SETD7: variants seen among roughly 807,000 people sequenced by gnomAD.
The protein encoded by SETD7 is histone-lysine N-methyltransferase SETD7.
SETD7 carries 16 observed loss-of-function variants against 41.8 expected under a neutral mutation model. The observed-to-expected ratio is 0.38, with a 90% CI of 0.26 to 0.58. The LOEUF is 0.58. SETD7 is among the 20% of genes least tolerant of loss of function. The pLI is 0.64. For missense variants in SETD7, 346 were observed against 459.7 expected (o/e 0.75, Z 2.26); for synonymous variants, 163 against 169.7 (o/e 0.96, Z 0.31).
intron 7 of SETD7, among the ~76,000 whole-genome samples, chr4:139,497,442 G>C (rs1299999441): frequency 6.6e-6 from 1 of 151,250 alleles, no homozygotes; most frequent in East Asian, 1.9e-4. Context: ...TGGGCAACAA[G>C]AGCGAAACTC....
intron 2 of SETD7, among the ~76,000 whole-genome samples, chr4:139,542,096 A>G (rs1727795315): frequency 6.6e-6 from 1 of 152,248 alleles, no homozygotes; most frequent in South Asian, 2.1e-4. Context: ...GACAATATGA[A>G]TGATCCTAGA....
At chr4:139,517,842 C>T (rs1345418872) in intron 7 of SETD7, 43 bp downstream of exon 7, 9 of 1,580,648 alleles carry the variant, frequency 5.7e-6, no homozygotes, top group African/African-American at 1.4e-5. Context: ...GTCTCAGGGC[C>T]CTGAGGCATA....
chr4:139,496,103 T>G (rs1726449175), exon 8 of SETD7: 1 of 342,048 alleles, frequency 2.9e-6, no homozygotes. Flanking sequence ...CATATTAGCC[T>G]GAAGAAAATT....
chr4:139,546,342 T>C, intron 2 of SETD7: 1 of 210,620 alleles, frequency 4.7e-6, no homozygotes. Context: ...TGAAGAACTT[T>C]GCCAAGCATT....
At chr4:139,529,344 G>A in intron 3 of SETD7, 124 bp from the exon 4 acceptor site, 1 of 687,364 alleles carries the variant, frequency 1.5e-6, no homozygotes, top group Non-Finnish European at 2.3e-6. Flanking sequence ...TAACAGTTTA[G>A]GAACCCAGAG....
Position 139,533,234 on chromosome 4 carries a change from A to C in SETD7, c.303T>G (p.Asp101Glu). ...LNGPAQEYDT[D>E]GRLIFKGQYK... ...ACTGCCCCTTGAAGATCAGTCTCCCATCTGTGTCATATTCCTGGGCTGGAC... is the reference window on the plus strand; with the variant it reads ...ACTGCCCCTTGAAGATCAGTCTCCCCTCTGTGTCATATTCCTGGGCTGGAC... Residue 101 changes from aspartate to glutamate, a missense_variant, in exon 3 of 8, where the codon GAT becomes GAG. Physicochemically the swap from Asp to Glu is conservative, Grantham distance 45 (BLOSUM62 2). Around this residue, in one of 3 missense-constraint regions of SETD7, gnomAD observed 266 missense variants for 377.0 expected, o/e 0.71. Coordinates refer to ENST00000274031, the MANE Select transcript of SETD7 (RefSeq NM_030648.4). 7 of 1,614,144 alleles carry C rather than the reference A, an allele frequency of 4.3e-6. No individual in the cohort carries two copies. Among genetic ancestry groups the C allele is most frequent in the Non-Finnish European group, 5.9e-6 (7 of 1,180,018 alleles).
intron 2 of SETD7, among the ~76,000 whole-genome samples, chr4:139,538,108 T>C (rs541004608): frequency 6.6e-6 from 1 of 152,290 alleles, no homozygotes; most frequent in South Asian, 2.1e-4. Context: ...AAGAAATTTA[T>C]AAAACTGCAT....
chr4:139,554,407 T>C (rs1728199574), intron 1 of SETD7, among the ~76,000 whole-genome samples: 1 of 152,246 alleles, frequency 6.6e-6, no homozygotes, highest in Admixed American at 6.5e-5. Flanking sequence ...TGGAGAACAG[T>C]ACCAGCAATT....
intron 7 of SETD7, among the ~76,000 whole-genome samples, chr4:139,512,306 G>A (rs910775016): frequency 6.6e-6 from 1 of 152,196 alleles, no homozygotes; most frequent in South Asian, 2.1e-4. Context: ...TTTTGGAGTT[G>A]TAAGAAAGAG....
intron 1 of SETD7, among the ~76,000 whole-genome samples, chr4:139,549,751 G>A (rs1728058629): frequency 6.6e-6 from 1 of 151,736 alleles, no homozygotes; most frequent in Non-Finnish European, 1.5e-5. Context: ...ACTATAGGTA[G>A]ACATCACCAC....
At chr4:139,552,991 C>T (rs1728153714) in intron 1 of SETD7, among the ~76,000 whole-genome samples, 1 of 152,220 alleles carries the variant, frequency 6.6e-6, no homozygotes, top group Non-Finnish European at 1.5e-5. Flanking sequence ...CATCACTCTT[C>T]ACTGAACCAG....
At chr4:139,527,162 G>A (rs1727355755) in intron 4 of SETD7, among the ~76,000 whole-genome samples, 1 of 152,218 alleles carries the variant, frequency 6.6e-6, no homozygotes, top group South Asian at 2.1e-4. Context: ...AACCTGTACA[G>A]CTTGTTACTA....
At chr4:139,496,457 G>T (rs1425346956) in exon 8 of SETD7, 1 of 702,388 alleles carries the variant, frequency 1.4e-6, no homozygotes, top group Non-Finnish European at 2.6e-6. Flanking sequence ...TCCAGATGTG[G>T]GATCTTTGGG....
intron 4 of SETD7, among the ~76,000 whole-genome samples, chr4:139,527,828 A>G (rs1161565367): frequency 6.6e-6 from 1 of 152,256 alleles, no homozygotes; most frequent in African/African-American, 2.4e-5. Flanking sequence ...GATCCAATCC[A>G]GAATCCCACA....
At chr4:139,552,439 G>A (rs1359122746) in intron 1 of SETD7, among the ~76,000 whole-genome samples, 2 of 152,102 alleles carry the variant, frequency 1.3e-5, no homozygotes, top group African/African-American at 2.4e-5. Flanking sequence ...CCACTGCAAA[G>A]AGACTTCAAG....
rs556222633 is a variant in SETD7 at position 139,542,127 on chromosome 4, T to A, written c.170+4793A>T. ...CTAGAGGACATCATGTAAAGTGAAATAAGCCAAGCACAAAAGGACAAATAC... is the reference window on the plus strand; with the variant it reads ...CTAGAGGACATCATGTAAAGTGAAAAAAGCCAAGCACAAAAGGACAAATAC... On this transcript the variant is annotated intron_variant, in intron 2 of 7. Transcript: ENST00000274031. 1.3e-3 allele frequency among the ~76,000 whole-genome samples: 195 copies of A among 152,278 alleles called. 3 individuals carry two copies. The South Asian group carries it at 0.02, about 15-fold the overall frequency.
chr4:139,497,409 T>G (rs1726476789), intron 7 of SETD7, among the ~76,000 whole-genome samples: 1 of 151,252 alleles, frequency 6.6e-6, no homozygotes. Flanking sequence ...GAGCCGAGAT[T>G]GCGCCATTAC....
chr4:139,533,236 C>T lies in SETD7; in HGVS notation c.301G>A (p.Asp101Asn). The T allele has an allele frequency of 6.2e-7, 1 of 1,614,244 alleles. No homozygotes were observed. The highest frequency in any genetic ancestry group is 2.2e-5 in the East Asian group (1 of 44,886). The change falls in exon 3 of 8, where the codon GAT becomes AAT. Residue 101 changes from aspartate (D) to asparagine (N), a missense_variant. By Grantham distance (23) the Asp-to-Asn change is conservative (BLOSUM62 1). Around this residue, in one of 3 missense-constraint regions of SETD7, gnomAD observed 266 missense variants for 377.0 expected, o/e 0.71. Transcript: ENST00000274031. ...LNGPAQEYDT[D>N]GRLIFKGQYK... Reference sequence around the variant, plus strand: ...TGCCCCTTGAAGATCAGTCTCCCATCTGTGTCATATTCCTGGGCTGGACCG... The same window carrying T: ...TGCCCCTTGAAGATCAGTCTCCCATTTGTGTCATATTCCTGGGCTGGACCG...
Position 139,508,188 on chromosome 4 carries a change from T to G in SETD7, c.*3475A>C, listed in dbSNP as rs1726762090. 1 of 152,236 alleles carries G rather than the reference T, an allele frequency of 6.6e-6. No homozygotes were observed. Among genetic ancestry groups the G allele is most frequent in the African/African-American group, 2.4e-5 (1 of 41,462 alleles). The allele number at this position is 152,236 out of a possible 1,614,324, so 9.4% of individuals were successfully genotyped here. A position where few individuals can be genotyped will look rare whatever the true frequency, so the allele number is the denominator to read the frequency against. On this transcript the variant is annotated 3_prime_UTR_variant, in exon 8 of 8. Transcript: ENST00000274031. Reference sequence around the variant, plus strand: ...TGTTACATTTGGCCTCATTGGCCTTTCTGGGTGGGTCGTTGGTGATAAGGA... The same window carrying G: ...TGTTACATTTGGCCTCATTGGCCTTGCTGGGTGGGTCGTTGGTGATAAGGA...
Sources: allele counts gnomAD v4.1 joint callset (sites outside exome capture counted in the v4.1 genomes callset), GRCh38; gene constraint gnomAD v4.1.1; regional missense constraint gnomAD v4.1.1; transcripts MANE v1.5; gene names NCBI Gene and HGNC (gene_info 2026-07-23, HGNC 2026-07-21).